SUCO: variants seen among roughly 807,000 people sequenced by gnomAD.
SUCO encodes the protein SUN domain containing ossification factor.
A neutral mutation model predicts 148.1 loss-of-function variants in SUCO; 57 were observed. That is an observed-to-expected ratio of 0.38 (90% CI 0.31 to 0.48). The LOEUF (loss-of-function observed/expected upper bound fraction) is 0.48, where lower values mean the gene tolerates loss of function less well. SUCO is among the 20% of genes least tolerant of loss of function. The probability of loss-of-function intolerance (pLI) is 0.96; values close to 1 mark genes in which losing one functional copy is unlikely to be tolerated. For synonymous variants in SUCO, 470 were observed against 502.7 expected, an observed-to-expected ratio of 0.93 and a Z score of 0.87; for missense variants, 1,331 against 1,468.2, an observed-to-expected ratio of 0.91 and a Z score of 1.53.
chr1:172,583,354 G>A (rs1656012427), intron 15 of SUCO, among the ~76,000 whole-genome samples: 1 of 152,132 alleles, frequency 6.6e-6, no homozygotes, highest in African/African-American at 2.4e-5. Context: ...TTGAGCCTTT[G>A]TGTGTTACAG....
intron 6 of SUCO, among the ~76,000 whole-genome samples, chr1:172,561,746 C>A (rs1012693502): frequency 1.3e-5 from 2 of 152,142 alleles, no homozygotes; most frequent in Non-Finnish European, 2.9e-5. Flanking sequence ...CCAGAACATC[C>A]CCTGGCTACA....
chr1:172,604,094 TAC>T lies in SUCO; in HGVS notation c.3265+1309_3265+1310del, dbSNP rs569763946. On this transcript the variant is annotated intron_variant, in intron 22 of 23. Coordinates refer to ENST00000263688, the MANE Select transcript of SUCO (RefSeq NM_014283.5). Reference sequence around the variant, plus strand: ...CCTTCTATCAGCTGCGTATGAGAGTTACAGTTACTTCATATTCTAAACATTCC... The same window carrying T: ...CCTTCTATCAGCTGCGTATGAGAGTTAGTTACTTCATATTCTAAACATTCC... 2.1e-4 allele frequency among the ~76,000 whole-genome samples: 32 copies of T among 152,084 alleles called. No homozygotes were observed. In the South Asian group the frequency reaches 6.6e-3, roughly 32 times the overall value.
intron 15 of SUCO, among the ~76,000 whole-genome samples, chr1:172,581,586 AG>A (rs1158443587): frequency 6.6e-6 from 1 of 152,222 alleles, no homozygotes; most frequent in East Asian, 1.9e-4. Context: ...TAAATAATAA[AG>A]TGGAATCAGA....
At chr1:172,570,625 C>G (rs1217766782) in intron 8 of SUCO, 38 bp from the exon 9 acceptor site, 1 of 1,313,982 alleles carries the variant, frequency 7.6e-7, no homozygotes, top group Non-Finnish European at 1.1e-6. Flanking sequence ...CTTCATTATT[C>G]CTTAAGTAAT....
At chr1:172,535,993 A>G (rs538564798) in intron 1 of SUCO, among the ~76,000 whole-genome samples, 33 of 152,296 alleles carry the variant, frequency 2.2e-4, no homozygotes, top group Non-Finnish European at 4.1e-4. Flanking sequence ...CAAGTAGTAT[A>G]GAGTATTCTA....
rs372379909 is a variant in SUCO at position 172,593,125 on chromosome 1, A to G, written c.2913+2054A>G. Among the ~76,000 whole-genome samples, 50 of 152,252 alleles carry G rather than the reference A, an allele frequency of 3.3e-4. 1 individual carries two copies. Among genetic ancestry groups the G allele is most frequent in the Admixed American group, 3.1e-3 (47 of 15,282 alleles). On this transcript the variant is annotated intron_variant, in intron 19 of 23. Transcript: ENST00000263688. ...CTTGTGATTTTTGCACATTGATTTT[A>G]TATCCTGAGACTTTGCTGAAGTTGC... is the stretch of plus-strand genomic sequence containing the variant.
intron 6 of SUCO, among the ~76,000 whole-genome samples, chr1:172,562,337 T>TA (rs911495565): frequency 9.3e-5 from 14 of 151,180 alleles, no homozygotes; most frequent in African/African-American, 3.4e-4. Context: ...ATTTTTTTTT[T>TA]TTTTTTTTTT....
At chr1:172,579,108 C>A in intron 14 of SUCO, 94 bp from the exon 15 acceptor site, 2 of 678,672 alleles carry the variant, frequency 2.9e-6, no homozygotes, top group South Asian at 3.5e-5. Context: ...TTTTAAATGT[C>A]AGCTGACTTT....
chr1:172,551,663 C>A, intron 2 of SUCO, 37 bp downstream of exon 2: 2 of 1,357,776 alleles, frequency 1.5e-6, no homozygotes, highest in South Asian at 1.2e-5. Flanking sequence ...ATTTGTGTGT[C>A]AGCTTTCTGA....
Position 172,589,402 on chromosome 1 carries a change from A to C in SUCO, c.2301A>C (p.Gln767His), listed in dbSNP as rs1215822764. The change falls in exon 18 of 24, where the codon CAA becomes CAC. Residue 767 changes from glutamine (Q) to histidine (H), a missense_variant. Gln to His is a conservative substitution (Grantham distance 24, BLOSUM62 0). Around this residue, in one of 3 missense-constraint regions of SUCO, gnomAD observed 992 missense variants for 1,093.5 expected, o/e 0.91. Coordinates refer to ENST00000263688, the MANE Select transcript of SUCO (RefSeq NM_014283.5). ...AGHIPSPVIP[Q>H]ESSVEIDNET... Reference sequence around the variant, plus strand: ...ATATACCATCACCAGTGATTCCCCAAGAGAGTTCTGTTGAGATCGATAATG... The same window carrying C: ...ATATACCATCACCAGTGATTCCCCACGAGAGTTCTGTTGAGATCGATAATG... 21 of 1,613,812 alleles carry C rather than the reference A, an allele frequency of 1.3e-5. No individual in the cohort carries two copies. Among genetic ancestry groups the C allele is most frequent in the Non-Finnish European group, 1.8e-5 (21 of 1,179,872 alleles).
intron 15 of SUCO, among the ~76,000 whole-genome samples, chr1:172,583,759 T>G (rs1176223405): frequency 6.6e-6 from 1 of 152,172 alleles, no homozygotes; most frequent in Non-Finnish European, 1.5e-5. Context: ...AAGAATTAAC[T>G]TCTAGTGGAA....
At chr1:172,541,114 C>A (rs1454664008) in intron 1 of SUCO, among the ~76,000 whole-genome samples, 1 of 151,882 alleles carries the variant, frequency 6.6e-6, no homozygotes, top group African/African-American at 2.4e-5. Flanking sequence ...ATAAAAATAA[C>A]AATACAACAA....
Position 172,533,298 on chromosome 1 carries a change from C to G in SUCO, c.-138C>G, listed in dbSNP as rs1322770664. On this transcript the variant is annotated 5_prime_UTR_variant, in exon 1 of 24. Transcript: ENST00000263688. ...GCCAGGACGCGAGCCACTGAGGAGC[C>G]GCTCAGCCAGCGCCATAGCCCTTAG... The G allele has an allele frequency of 6.5e-7, 1 of 1,550,342 alleles. No homozygotes were observed. The highest frequency in any genetic ancestry group is 1.2e-5 in the South Asian group (1 of 83,994).
chr1:172,534,611 C>A (rs1453711463), intron 1 of SUCO, among the ~76,000 whole-genome samples: 2 of 152,150 alleles, frequency 1.3e-5, no homozygotes, highest in Non-Finnish European at 2.9e-5. Flanking sequence ...AGAACAAAAA[C>A]AATTGACTTA....
chr1:172,590,300 GACCAGAT>G (rs1656559156), intron 18 of SUCO: 2 of 981,450 alleles, frequency 2.0e-6, no homozygotes, highest in African/African-American at 1.8e-5. Context: ...AGTGGAATTT[GACCAGAT>G]ATCACTTAAG....
At chr1:172,540,222 T>C (rs1652348303) in intron 1 of SUCO, among the ~76,000 whole-genome samples, 1 of 152,200 alleles carries the variant, frequency 6.6e-6, no homozygotes, top group Non-Finnish European at 1.5e-5. Context: ...GCCTGTGTTC[T>C]CTTAACCGGT....
At chr1:172,538,188 G>A (rs1003644127) in intron 1 of SUCO, among the ~76,000 whole-genome samples, 2 of 152,152 alleles carry the variant, frequency 1.3e-5, no homozygotes, top group African/African-American at 2.4e-5. Flanking sequence ...TGGAATGTAG[G>A]GGACGTACTT....
In SUCO at chr1:172,553,379, T is replaced by C; in HGVS notation, c.288+9T>C. 6.4e-7 allele frequency: 1 copy of C among 1,554,222 alleles called. No homozygotes were observed. Among genetic ancestry groups the C allele is most frequent in the Non-Finnish European group, 8.8e-7 (1 of 1,139,248 alleles). The stretch of plus-strand genomic sequence containing the variant: ...CTATTGTGGATGTACAAGTAAGCTA[T>C]GTCGCTTTGATTTTCAATAATATGT... On this transcript the variant is annotated intron_variant, in intron 3 of 23. Transcript: ENST00000263688.
chr1:172,600,387 A>G (rs1300664287), intron 20 of SUCO, among the ~76,000 whole-genome samples: 1 of 152,222 alleles, frequency 6.6e-6, no homozygotes, highest in Non-Finnish European at 1.5e-5. Context: ...GGCCATACCT[A>G]TAATATAGGT....
Sources: gnomAD v4.1 joint callset for allele counts (sites outside exome capture counted in the v4.1 genomes callset) on GRCh38, gnomAD v4.1.1 for gene constraint, gnomAD v4.1.1 regional missense constraint, MANE v1.5 for transcripts, NCBI Gene and HGNC (gene_info 2026-07-23, HGNC 2026-07-21) for gene names.